SEL1L3: variants seen among roughly 807,000 people sequenced by gnomAD.
The protein encoded by SEL1L3 is SEL1L family member 3.
A neutral mutation model predicts 142.8 loss-of-function variants in SEL1L3; 76 were observed. The ratio of observed to expected loss-of-function variants is 0.53; its 90% confidence interval spans 0.44 to 0.64. SEL1L3 has a LOEUF of 0.64. Among genes scored for constraint, SEL1L3 ranks in the 30% least tolerant of loss-of-function variants. The pLI is 0.00. For missense variants in SEL1L3, 1,262 were observed against 1,381.7 expected (o/e 0.91, Z 1.37); for synonymous variants, 504 against 519.6 (o/e 0.97, Z 0.41).
intron 11 of SEL1L3, among the ~76,000 whole-genome samples, chr4:25,792,373 C>T (rs1360657172): frequency 6.6e-6 from 1 of 152,216 alleles, no homozygotes; most frequent in East Asian, 1.9e-4. Flanking sequence ...CTCTCTGGCG[C>T]TCCCATGGGA....
At chr4:25,774,028 C>A (rs771944793) in intron 17 of SEL1L3, among the ~76,000 whole-genome samples, 2 of 152,198 alleles carry the variant, frequency 1.3e-5, no homozygotes, top group African/African-American at 4.8e-5. Flanking sequence ...CCTCTATTCA[C>A]CTTAGTTCAT....
At chr4:25,777,254 A>G (rs1241195621) in intron 16 of SEL1L3, among the ~76,000 whole-genome samples, 1 of 150,894 alleles carries the variant, frequency 6.6e-6, no homozygotes, top group African/African-American at 2.5e-5. Flanking sequence ...TAAAGAAGAC[A>G]TTGTAAAATG....
chr4:25,850,801 G>T (rs927063725), intron 1 of SEL1L3, among the ~76,000 whole-genome samples: 106 of 151,930 alleles, frequency 7.0e-4, no homozygotes, highest in African/African-American at 2.5e-3. Context: ...AGGGTTTTCT[G>T]TCTGGTTTTT....
At chr4:25,790,060 C>T (rs1036809206) in intron 12 of SEL1L3, among the ~76,000 whole-genome samples, 2 of 152,188 alleles carry the variant, frequency 1.3e-5, no homozygotes, top group South Asian at 4.1e-4. Context: ...CTGATGGATG[C>T]ATCAGTGCAC....
rs192595643 is a variant in SEL1L3, at chr4:25,807,094, T to C, written c.1565-2342A>G. 2.0e-5 allele frequency among the ~76,000 whole-genome samples: 3 copies of C among 152,340 alleles called. No individual in the cohort carries two copies. In the East Asian group the frequency reaches 5.8e-4, roughly 29 times the overall value. ...CATTGTAGAGTCTGACTCTCGACTT[T>C]CTTTTTTAAATTAACTACACATTAT... On this transcript the variant is annotated intron_variant, in intron 9 of 23. Transcript: ENST00000399878.
chr4:25,742,450 A>G (rs1466351132), downstream of SEL1L3, among the ~76,000 whole-genome samples: 2 of 151,952 alleles, frequency 1.3e-5, no homozygotes, highest in Non-Finnish European at 2.9e-5. Flanking sequence ...GGTGCGTGCC[A>G]CCACACCTGG....
intron 9 of SEL1L3, among the ~76,000 whole-genome samples, chr4:25,809,365 G>A (rs983698297): frequency 2.7e-5 from 4 of 149,924 alleles, no homozygotes; most frequent in South Asian, 4.2e-4. Context: ...GTCTGGTCTC[G>A]AACTCCTGGC....
intron 9 of SEL1L3, among the ~76,000 whole-genome samples, chr4:25,807,644 G>A (rs1314936711): frequency 1.3e-5 from 2 of 152,110 alleles, no homozygotes; most frequent in Non-Finnish European, 2.9e-5. Context: ...TTTTGCCAGA[G>A]TACCCGTGGA....
chr4:25,739,369 A>T, the SEL1L3 span, among the ~76,000 whole-genome samples: 2 of 152,106 alleles, frequency 1.3e-5, no homozygotes, highest in Admixed American at 1.3e-4. Context: ...ACAATGAACT[A>T]TCTGGTCCAA....
chr4:25,762,671 G>A (rs745650466), intron 20 of SEL1L3, among the ~76,000 whole-genome samples: 1 of 152,148 alleles, frequency 6.6e-6, no homozygotes, highest in Non-Finnish European at 1.5e-5. Context: ...TACAATAAAT[G>A]ATAAGACAGA....
At chr4:25,798,727 C>T (rs187527484) in intron 11 of SEL1L3, among the ~76,000 whole-genome samples, 1 of 152,266 alleles carries the variant, frequency 6.6e-6, no homozygotes, top group Non-Finnish European at 1.5e-5. Flanking sequence ...ACTCGGGAGG[C>T]TGAGGCAGGA....
intron 17 of SEL1L3, among the ~76,000 whole-genome samples, chr4:25,775,949 T>C (rs1258570734): frequency 2.0e-5 from 3 of 152,048 alleles, no homozygotes; most frequent in East Asian, 1.9e-4. Context: ...GAGTCTCACC[T>C]AAGATCCCCT....
chr4:25,837,192 G>GA (rs11418776), intron 2 of SEL1L3, among the ~76,000 whole-genome samples: 11,432 of 150,978 alleles, frequency 0.076, 1,457 homozygotes, highest in African/African-American at 0.26. Flanking sequence ...GAATCTGAAG[G>GA]AAAAATTCAC....
the SEL1L3 span, among the ~76,000 whole-genome samples, chr4:25,723,925 C>T: frequency 6.6e-6 from 1 of 152,120 alleles, no homozygotes; most frequent in Non-Finnish European, 1.5e-5. Context: ...CTATTACTCG[C>T]CAAGCAGTGT....
intron 15 of SEL1L3, among the ~76,000 whole-genome samples, chr4:25,779,510 T>C (rs1719858059): frequency 6.6e-6 from 1 of 152,248 alleles, no homozygotes; most frequent in Non-Finnish European, 1.5e-5. Context: ...TAGAAGACTA[T>C]ATCAGAAGTC....
chr4:25,833,819 T>C (rs1057425848), intron 3 of SEL1L3, among the ~76,000 whole-genome samples: 1 of 152,196 alleles, frequency 6.6e-6, no homozygotes, highest in African/African-American at 2.4e-5. Context: ...CACCAAAAAC[T>C]CTGTTTCTCT....
chr4:25,725,463 G>A, the SEL1L3 span, among the ~76,000 whole-genome samples: 4 of 151,968 alleles, frequency 2.6e-5, no homozygotes, highest in Non-Finnish European at 5.9e-5. Flanking sequence ...TTACAGGTAC[G>A]TGTCACCACG....
intron 1 of SEL1L3, among the ~76,000 whole-genome samples, chr4:25,849,865 G>A (rs778618871): frequency 1.3e-4 from 20 of 152,212 alleles, no homozygotes; most frequent in Non-Finnish European, 2.2e-4. Context: ...CAGGCGAAAC[G>A]TGGTCAGTGT....
chr4:25,833,541 G>A lies in SEL1L3; in HGVS notation c.889C>T (p.Leu297Phe). ...VFTVSLWLYL[L>F]HYCKANLCGI... ...CAGAGGTTGGCCTTGCAATAATGGA[G>A]TAAATAAAGCCACAATGAAACAGTA... Residue 297 changes from leucine (L) to phenylalanine (F), a missense_variant, in exon 4 of 24, where the codon CTC becomes TTC. Around this residue, in one of 3 missense-constraint regions of SEL1L3, gnomAD observed 689 missense variants for 692.8 expected, o/e 0.99. Coordinates refer to ENST00000399878, the MANE Select transcript of SEL1L3 (RefSeq NM_015187.5). 3 of 1,612,510 alleles carry A rather than the reference G, an allele frequency of 1.9e-6. No individual in the cohort carries two copies. Among genetic ancestry groups the A allele is most frequent in the Non-Finnish European group, 2.5e-6 (3 of 1,179,174 alleles).
Sources: allele counts gnomAD v4.1 joint callset (sites outside exome capture counted in the v4.1 genomes callset), GRCh38; gene constraint gnomAD v4.1.1; regional missense constraint gnomAD v4.1.1; transcripts MANE v1.5; gene names NCBI Gene and HGNC (gene_info 2026-07-23, HGNC 2026-07-21).